STRN: variants seen among roughly 807,000 people sequenced by gnomAD.
STRN encodes the protein striatin.
A neutral mutation model predicts 96.3 loss-of-function variants in STRN; 53 were observed. That is an observed-to-expected ratio of 0.55 (90% confidence interval 0.44 to 0.69). The LOEUF (loss-of-function observed/expected upper bound fraction) is 0.69. Among genes scored for constraint, STRN ranks in the 30% least tolerant of loss-of-function variants. The pLI, the probability that STRN is intolerant of heterozygous loss-of-function variation, is 0.00. For synonymous variants in STRN, 428 were observed against 355.9 expected, an observed-to-expected ratio of 1.20 and a Z score of -2.28; for missense variants, 987 against 963.9, an observed-to-expected ratio of 1.02 and a Z score of -0.32.
intron 10 of STRN, among the ~76,000 whole-genome samples, chr2:36,875,205 T>C (rs1276238527): frequency 2.6e-5 from 4 of 151,306 alleles, no homozygotes; most frequent in African/African-American, 7.3e-5. Context: ...AGGTGGAAGG[T>C]TGAATAAAAA....
At chr2:36,879,066 G>C (rs1379796654) in intron 9 of STRN, among the ~76,000 whole-genome samples, 1 of 148,622 alleles carries the variant, frequency 6.7e-6, no homozygotes, top group Non-Finnish European at 1.5e-5. Flanking sequence ...AAAATGTTTT[G>C]TTTATTTGTT....
intron 14 of STRN, among the ~76,000 whole-genome samples, chr2:36,856,500 C>T (rs1668345011): frequency 2.0e-5 from 3 of 151,972 alleles, no homozygotes; most frequent in African/African-American, 7.3e-5. Flanking sequence ...ATTTCCAAAA[C>T]ATTATAATGA....
chr2:36,863,479 A>T (rs1043150782), intron 12 of STRN, among the ~76,000 whole-genome samples: 2 of 152,164 alleles, frequency 1.3e-5, no homozygotes, highest in Non-Finnish European at 2.9e-5. Flanking sequence ...TTAGACGGTT[A>T]TAAGTGTGCA....
At chr2:36,889,722 T>C (rs1226531603) in intron 7 of STRN, among the ~76,000 whole-genome samples, 1 of 152,154 alleles carries the variant, frequency 6.6e-6, no homozygotes, top group Non-Finnish European at 1.5e-5. Flanking sequence ...GTTTTGTTAA[T>C]TTGTTAAAAG....
intron 1 of STRN, among the ~76,000 whole-genome samples, chr2:36,939,876 C>A (rs182137405): frequency 1.3e-5 from 2 of 152,126 alleles, no homozygotes; most frequent in South Asian, 4.1e-4. Flanking sequence ...GACCACGATA[C>A]AGTATTTAGG....
At chr2:36,922,054 T>A (rs1476153091) in intron 2 of STRN, among the ~76,000 whole-genome samples, 1 of 152,154 alleles carries the variant, frequency 6.6e-6, no homozygotes, top group Non-Finnish European at 1.5e-5. Context: ...TCTTAGGAAA[T>A]ATACACAGAG....
intron 8 of STRN, 22 bp from the exon 9 acceptor site, chr2:36,884,097 G>A: frequency 7.6e-7 from 1 of 1,317,550 alleles, no homozygotes; most frequent in African/African-American, 1.5e-5. Flanking sequence ...AAGGGGGGGT[G>A]GGAGGAGATA....
intron 16 of STRN, 69 bp from the exon 17 acceptor site, chr2:36,849,869 G>T: frequency 6.8e-7 from 1 of 1,470,980 alleles, no homozygotes; most frequent in African/African-American, 1.4e-5. Context: ...CAGCTACCAT[G>T]TCCTGCTGGT....
At chr2:36,964,811 A>T (rs1665119611) in intron 1 of STRN, among the ~76,000 whole-genome samples, 1 of 152,208 alleles carries the variant, frequency 6.6e-6, no homozygotes, top group Non-Finnish European at 1.5e-5. Context: ...CATTTGCTGG[A>T]CTGTTTGCCT....
chr2:36,872,829 G>C (rs1349583140), intron 10 of STRN, among the ~76,000 whole-genome samples: 1 of 151,982 alleles, frequency 6.6e-6, no homozygotes, highest in Non-Finnish European at 1.5e-5. Context: ...CTGCACTAAG[G>C]ACAAGTAGAA....
chr2:36,922,102 A>C (rs965141487), intron 2 of STRN, among the ~76,000 whole-genome samples: 1 of 152,210 alleles, frequency 6.6e-6, no homozygotes, highest in Admixed American at 6.5e-5. Flanking sequence ...TTAGGGGAAA[A>C]AAATGGTACC....
intron 7 of STRN, among the ~76,000 whole-genome samples, chr2:36,890,515 G>A (rs1669364152): frequency 8.1e-6 from 1 of 123,222 alleles, no homozygotes. Context: ...ACAGAGTCTC[G>A]CTCTGTCGCC....
rs978783574 is a variant in STRN at position 36,842,176 on chromosome 2, A to C, written c.*7280T>G. ...TTCTACAACTCACGATTAATGTAAA[A>C]CGTTGCTTTCCATGTGCTTTTTTTT... On this transcript the variant is annotated 3_prime_UTR_variant, in exon 18 of 18. Coordinates refer to ENST00000263918, the MANE Select transcript of STRN (RefSeq NM_003162.4). 3.3e-5 allele frequency: 5 copies of C among 152,172 alleles called. No homozygotes were observed. Among genetic ancestry groups the C allele is most frequent in the African/African-American group, 9.7e-5 (4 of 41,436 alleles). 9.4% of individuals were successfully genotyped at this position (152,172 alleles called of 1,614,324 possible).
chr2:36,954,293 T>C (rs1226948366), intron 1 of STRN, among the ~76,000 whole-genome samples: 3 of 151,972 alleles, frequency 2.0e-5, no homozygotes, highest in African/African-American at 4.8e-5. Flanking sequence ...GATGGATCAC[T>C]TGAGGCCAGG....
At chr2:36,908,166 A>G (rs1381007268) in intron 3 of STRN, among the ~76,000 whole-genome samples, 1 of 152,114 alleles carries the variant, frequency 6.6e-6, no homozygotes, top group Non-Finnish European at 1.5e-5. Context: ...AAGTAAAAAC[A>G]TTTACATTGC....
Position 36,857,913 on chromosome 2 carries a change from G to A in STRN, c.1780C>T (p.Arg594Cys), listed in dbSNP as rs1189600506. ...LLSCSADGTL[R>C]LWNTTEVAPA... ...GCAACCTCAGTTGTATTCCATAAAC[G>A]CAGAGTGCCATCTGCTGAACAGGAC... Residue 594 changes from arginine to cysteine, a missense_variant, in exon 14 of 18, where the codon CGT becomes TGT. Physicochemically the swap from Arg to Cys is radical, Grantham distance 180 (BLOSUM62 -3). Transcript: ENST00000263918. 2.5e-6 allele frequency: 4 copies of A among 1,614,002 alleles called. No homozygotes were observed. Among genetic ancestry groups the A allele is most frequent in the Admixed American group, 1.7e-5 (1 of 60,010 alleles).
In STRN at chr2:36,920,776, T is replaced by TA. The variant is rs201686676; in HGVS notation, c.338+4328dup. Among the ~76,000 whole-genome samples the TA allele has an allele frequency of 5.4e-3, 817 of 150,330 alleles. 8 individuals carry two copies. Among genetic ancestry groups the TA allele is most frequent in the African/African-American group, 0.019 (781 of 41,018 alleles). The stretch of plus-strand genomic sequence containing the variant: ...TACTGTCCTTCAGAGTCAAATTTCC[T>TA]AAAAAAAATAAGCAACTCTGCCAGG... On this transcript the variant is annotated intron_variant, in intron 2 of 17. Coordinates refer to ENST00000263918, the MANE Select transcript of STRN (RefSeq NM_003162.4).
chr2:36,860,749 G>A (rs1235191348), intron 13 of STRN, among the ~76,000 whole-genome samples: 4 of 152,116 alleles, frequency 2.6e-5, no homozygotes, highest in African/African-American at 9.7e-5. Context: ...ATTGACCAAG[G>A]GGATGGCACC....
At chr2:36,932,652 G>C (rs1330638625) in intron 1 of STRN, among the ~76,000 whole-genome samples, 3 of 151,998 alleles carry the variant, frequency 2.0e-5, no homozygotes, top group African/African-American at 4.8e-5. Flanking sequence ...GCCAGGTTAG[G>C]AGTACAGTGG....
Sources: gnomAD v4.1 joint callset for allele counts (sites outside exome capture counted in the v4.1 genomes callset) on GRCh38, gnomAD v4.1.1 for gene constraint, MANE v1.5 for transcripts, NCBI Gene and HGNC (gene_info 2026-07-23, HGNC 2026-07-21) for gene names.